The following RELN variants were observed in gnomAD, a reference collection of about 807,000 sequenced individuals.
RELN encodes reelin.
A neutral mutation model predicts 427.6 loss-of-function variants in RELN; 108 were observed. The ratio of observed to expected loss-of-function variants is 0.25; its 90% CI spans 0.22 to 0.30. The LOEUF (loss-of-function observed/expected upper bound fraction) is 0.30. RELN is among the 10% of genes least tolerant of loss of function. RELN has a pLI of 1.00. For missense variants in RELN, 3,715 were observed against 4,302.8 expected (o/e 0.86, Z 3.82); for synonymous variants, 1,524 against 1,513.4 (o/e 1.01, Z -0.16).
chr7:103,897,442 CATGTGT>C (rs1440101465), intron 2 of RELN, among the ~76,000 whole-genome samples: 1 of 152,024 alleles, frequency 6.6e-6, no homozygotes, highest in Non-Finnish European at 1.5e-5. Flanking sequence ...TGTGTGCTCA[CATGTGT>C]ATTTATGTGG....
chr7:103,969,937 G>A (rs988162914), intron 1 of RELN, among the ~76,000 whole-genome samples: 1 of 152,114 alleles, frequency 6.6e-6, no homozygotes, highest in African/African-American at 2.4e-5. Flanking sequence ...AGTGTATATA[G>A]TCTATCCTCA....
At chr7:103,586,208 C>T (rs1394250813) in intron 28 of RELN, among the ~76,000 whole-genome samples, 1 of 151,696 alleles carries the variant, frequency 6.6e-6, no homozygotes, top group Non-Finnish European at 1.5e-5. Context: ...CTAAAAAATA[C>T]AAAAATTAGC....
At chr7:103,816,411 T>C (rs1792870496) in intron 3 of RELN, among the ~76,000 whole-genome samples, 1 of 152,058 alleles carries the variant, frequency 6.6e-6, no homozygotes, top group African/African-American at 2.4e-5. Context: ...TTAAAAAATG[T>C]CTAATGTAAA....
intron 8 of RELN, among the ~76,000 whole-genome samples, chr7:103,703,401 T>C (rs951526271): frequency 2.5e-4 from 38 of 152,320 alleles, no homozygotes; most frequent in African/African-American, 9.1e-4. Context: ...CAGATGGAAA[T>C]GGCTCCTTGA....
intron 4 of RELN, among the ~76,000 whole-genome samples, chr7:103,770,913 C>CTTTTTTTTT (rs751942279): frequency 8.4e-6 from 1 of 119,134 alleles, no homozygotes; most frequent in African/African-American, 3.3e-5. Context: ...CAATCGCTTA[C>CTTTTTTTTT]TTTTTTTTTT....
At chr7:103,654,853 G>T (rs1042519200) in intron 12 of RELN, among the ~76,000 whole-genome samples, 3 of 152,042 alleles carry the variant, frequency 2.0e-5, no homozygotes, top group Non-Finnish European at 4.4e-5. Flanking sequence ...CTTGATGATG[G>T]TACTGAATGA....
intron 64 of RELN, among the ~76,000 whole-genome samples, chr7:103,477,827 G>C (rs907527887): frequency 6.6e-6 from 1 of 152,060 alleles, no homozygotes; most frequent in Non-Finnish European, 1.5e-5. Context: ...ATTAAAAGTG[G>C]CCAATCTTAC....
intron 4 of RELN, among the ~76,000 whole-genome samples, chr7:103,757,116 T>C (rs1050405758): frequency 6.6e-6 from 1 of 152,166 alleles, no homozygotes; most frequent in Non-Finnish European, 1.5e-5. Flanking sequence ...TTTAGTATAC[T>C]CCCATTTGGA....
chr7:103,631,185 G>T (rs1832456251), intron 19 of RELN, among the ~76,000 whole-genome samples: 1 of 149,254 alleles, frequency 6.7e-6, no homozygotes, highest in Non-Finnish European at 1.5e-5. Context: ...GGTAGGACTT[G>T]TTGCAATAGA....
At position 103,714,446 on chromosome 7, in the gene RELN, C is replaced by T. The variant is rs140603155; in HGVS notation, c.805+8694G>A. On this transcript the variant is annotated intron_variant, in intron 8 of 64. Transcript: ENST00000428762. The stretch of plus-strand genomic sequence containing the variant: ...TGCTATTTTACCAATTCTCTGATCA[C>T]GGGTAAAATAAATGCATGAGGAATG... 5.1e-4 allele frequency among the ~76,000 whole-genome samples: 77 copies of T among 152,184 alleles called. 1 individual carries two copies. Among genetic ancestry groups the T allele is most frequent in the African/African-American group, 1.8e-3 (75 of 41,508 alleles).
intron 4 of RELN, among the ~76,000 whole-genome samples, chr7:103,775,843 C>T (rs1791724331): frequency 6.6e-6 from 1 of 152,166 alleles, no homozygotes; most frequent in African/African-American, 2.4e-5. Flanking sequence ...AAGGCATAGT[C>T]CCCATACTTG....
Position 103,557,118 on chromosome 7 carries a change from T to C in RELN, c.5656A>G (p.Ile1886Val), listed in dbSNP as rs1204165079. 9.3e-6 allele frequency: 15 copies of C among 1,613,676 alleles called. No homozygotes were observed. The highest frequency in any genetic ancestry group is 9.3e-6 in the Non-Finnish European group (11 of 1,179,678). ...RSHSILLQFS[I>V]SGGITWHLMD... ...AGGTGCCAAGTGATTCCTCCACTGA[T>C]GGAGAATTGTAACAGAATAGAGTGA... Residue 1886 changes from isoleucine (I) to valine (V), a missense_variant, in exon 38 of 65, where the codon ATC becomes GTC. Physicochemically the swap from Ile to Val is conservative, Grantham distance 29. Coordinates refer to ENST00000428762, the MANE Select transcript of RELN (RefSeq NM_005045.4).
intron 10 of RELN, among the ~76,000 whole-genome samples, chr7:103,696,570 A>C (rs540555206): frequency 1.3e-4 from 20 of 152,218 alleles, no homozygotes; most frequent in African/African-American, 4.8e-4. Context: ...CTTGTCCCTG[A>C]CATCTATCAT....
intron 2 of RELN, among the ~76,000 whole-genome samples, chr7:103,867,214 T>A (rs1016342215): frequency 6.6e-6 from 1 of 151,288 alleles, no homozygotes; most frequent in South Asian, 2.1e-4. Flanking sequence ...ATATTATTTA[T>A]GTGCTGTTAT....
intron 1 of RELN, among the ~76,000 whole-genome samples, chr7:103,917,551 C>CT (rs11412775): frequency 0.54 from 78,842 of 146,290 alleles, 21,939 homozygotes; most frequent in Non-Finnish European, 0.64. Flanking sequence ...TGATAAAATG[C>CT]TTTTTTTTTT....
intron 2 of RELN, among the ~76,000 whole-genome samples, chr7:103,896,144 A>G (rs981744646): frequency 2.0e-5 from 3 of 152,066 alleles, no homozygotes; most frequent in Non-Finnish European, 4.4e-5. Context: ...CCACACACCT[A>G]CCAACATGGC....
Position 103,843,341 on chromosome 7 carries a change from A to G in RELN, c.338-9669T>C, listed in dbSNP as rs185508270. Among the ~76,000 whole-genome samples the G allele has an allele frequency of 2.2e-3, 329 of 152,230 alleles. 1 individual carries two copies. Among genetic ancestry groups the G allele is most frequent in the African/African-American group, 7.2e-3 (301 of 41,546 alleles). ...CACCTCAGCCTCCTGAGTAGCTGGA[A>G]TTACAGGCACACACCACTACGCCCA... On this transcript the variant is annotated intron_variant, in intron 2 of 64. Coordinates refer to ENST00000428762, the MANE Select transcript of RELN (RefSeq NM_005045.4).
At chr7:103,644,422 T>A (rs1321234609) in intron 16 of RELN, among the ~76,000 whole-genome samples, 1 of 149,912 alleles carries the variant, frequency 6.7e-6, no homozygotes, top group African/African-American at 2.4e-5. Context: ...TTTTTTTTTT[T>A]AGAAAACCCA....
intron 49 of RELN, among the ~76,000 whole-genome samples, chr7:103,516,854 A>G (rs1023832804): frequency 1.3e-5 from 2 of 151,846 alleles, no homozygotes; most frequent in Non-Finnish European, 2.9e-5. Flanking sequence ...TCCTTGAGGT[A>G]GAGTGGCCAG....
Sources: allele counts gnomAD v4.1 joint callset (sites outside exome capture counted in the v4.1 genomes callset), GRCh38; gene constraint gnomAD v4.1.1; transcripts MANE v1.5; gene names NCBI Gene and HGNC (gene_info 2026-07-23, HGNC 2026-07-21).